The following RAI14 variants were observed in gnomAD, a reference collection of about 807,000 sequenced individuals.
RAI14 encodes ankycorbin.
Under a neutral mutation model 115.4 loss-of-function variants are expected in RAI14, and 45 were observed. That is an observed-to-expected ratio of 0.39 (90% confidence interval 0.31 to 0.50). RAI14 has a LOEUF of 0.50. RAI14 is among the 20% of genes least tolerant of loss of function. The pLI, the probability that RAI14 is intolerant of heterozygous loss-of-function variation, is 0.85. For synonymous variants in RAI14, 371 were observed against 415.4 expected, an observed-to-expected ratio of 0.89 and a Z score of 1.30; for missense variants, 939 against 1,131.2, an observed-to-expected ratio of 0.83 and a Z score of 2.44.
intron 2 of RAI14, chr5:34,757,161 T>C: frequency 2.3e-6 from 1 of 435,092 alleles, no homozygotes; most frequent in Non-Finnish European, 4.5e-6. Context: ...TTAGCTAATG[T>C]GTAAACTGGC....
chr5:34,802,965 G>T (rs898104022), intron 4 of RAI14, among the ~76,000 whole-genome samples: 6 of 152,298 alleles, frequency 3.9e-5, no homozygotes, highest in Admixed American at 1.3e-4. Flanking sequence ...AAGAGTAGGG[G>T]CTGAAGTGTG....
chr5:34,775,487 C>CT (rs1298067535), intron 3 of RAI14, among the ~76,000 whole-genome samples: 1 of 152,154 alleles, frequency 6.6e-6, no homozygotes, highest in East Asian at 1.9e-4. Context: ...AATCCCAGCA[C>CT]TTTGGGAGGT....
intron 3 of RAI14, among the ~76,000 whole-genome samples, chr5:34,762,700 C>T (rs574279341): frequency 2.6e-5 from 4 of 152,278 alleles, no homozygotes; most frequent in African/African-American, 4.8e-5. Context: ...CAGCTGTTCT[C>T]TTTCCATGGT....
chr5:34,823,434 A>T lies in RAI14; in HGVS notation c.1592A>T (p.Glu531Val), dbSNP rs1369669550. The change falls in exon 15 of 18, where the codon GAA (glutamate) becomes GTA (valine). Residue 531 changes from glutamate (E) to valine (V), a missense_variant. Physicochemically the swap from Glu to Val is moderately radical, Grantham distance 121 (BLOSUM62 -2). Transcript: ENST00000265109. This position sits in a 1 kb window ranked among gnomAD's most constrained non-coding sequence, Gnocchi z 4.5. ...HFHELRVTEE[E>V]INVLKQDLQN... ...CACGAGCTGAGGGTCACGGAAGAGGAAATAAATGTGCTAAAGCAGGATCTG... is the reference window on the plus strand; with the variant it reads ...CACGAGCTGAGGGTCACGGAAGAGGTAATAAATGTGCTAAAGCAGGATCTG... 2 of 1,614,212 alleles carry T rather than the reference A, an allele frequency of 1.2e-6. No individual in the cohort carries two copies. The highest frequency in any genetic ancestry group is 3.3e-5 in the Admixed American group (2 of 60,024).
rs1758097460 is a variant in RAI14 at position 34,832,579 on chromosome 5, G to A, written c.*1814G>A. ...TATTTTGTCTTTGTAATTTACAGAA[G>A]TTATTGGAGAAAATAAACTTGTTTC... On this transcript the variant is annotated 3_prime_UTR_variant, in exon 18 of 18. Coordinates refer to ENST00000265109, the MANE Select transcript of RAI14 (RefSeq NM_015577.3). 1 of 152,610 alleles carries A rather than the reference G, an allele frequency of 6.6e-6. No individual in the cohort carries two copies. The highest frequency in any genetic ancestry group is 2.4e-5 in the African/African-American group (1 of 41,446). The allele number at this position is 152,610 out of a possible 1,614,324, so 9.5% of individuals were successfully genotyped here.
chr5:34,793,151 A>G (rs1168099849), intron 3 of RAI14, among the ~76,000 whole-genome samples: 1 of 152,240 alleles, frequency 6.6e-6, no homozygotes. Context: ...TATGTCTAAG[A>G]AAATTCTTTT....
intron 1 of RAI14, among the ~76,000 whole-genome samples, chr5:34,677,161 ATT>A (rs747450748): frequency 0.042 from 3,473 of 82,634 alleles, 82 homozygotes; most frequent in African/African-American, 0.17. Context: ...TGACATTTCT[ATT>A]TTTTTTTTTT....
At chr5:34,723,692 G>A (rs1743092695) in intron 2 of RAI14, among the ~76,000 whole-genome samples, 1 of 152,074 alleles carries the variant, frequency 6.6e-6, no homozygotes, top group Admixed American at 6.5e-5. Flanking sequence ...CCTGATTTAA[G>A]GAAAGCTAAA....
At position 34,689,042 on chromosome 5, in the gene RAI14, A is replaced by C. The variant is rs1016177462; in HGVS notation, c.36+2087A>C. ...ACGTTCTAGAACCAGTTTTTGCACT[A>C]AGGCAGTCTGATTCAAGAGCCCATG... On this transcript the variant is annotated intron_variant, in intron 2 of 17. Coordinates refer to ENST00000265109, the MANE Select transcript of RAI14 (RefSeq NM_015577.3). Among the ~76,000 whole-genome samples, 9 of 152,170 alleles carry C rather than the reference A, an allele frequency of 5.9e-5. 1 individual carries two copies.
chr5:34,758,299 G>A (rs1049986987), intron 3 of RAI14, among the ~76,000 whole-genome samples: 4 of 152,158 alleles, frequency 2.6e-5, no homozygotes, highest in African/African-American at 9.7e-5. Context: ...AATAATGTAG[G>A]TTGGGTGCCC....
At chr5:34,663,508 C>T (rs1011233395) in intron 1 of RAI14, among the ~76,000 whole-genome samples, 2 of 152,054 alleles carry the variant, frequency 1.3e-5, no homozygotes, top group East Asian at 3.9e-4. Flanking sequence ...CAGAGTGAGA[C>T]CCTGTCTAAA....
intron 1 of RAI14, among the ~76,000 whole-genome samples, chr5:34,679,512 TG>T (rs1561230663): frequency 6.6e-6 from 1 of 151,370 alleles, no homozygotes; most frequent in African/African-American, 2.5e-5. Context: ...TGTTGATTTG[TG>T]GGGGGAATCC....
At chr5:34,709,496 T>A (rs907050897) in intron 2 of RAI14, among the ~76,000 whole-genome samples, 1 of 152,182 alleles carries the variant, frequency 6.6e-6, no homozygotes, top group African/African-American at 2.4e-5. Flanking sequence ...CAAAAGTCTG[T>A]AGCTACTTTG....
chr5:34,703,239 T>C (rs999977185), intron 2 of RAI14, among the ~76,000 whole-genome samples: 1 of 152,122 alleles, frequency 6.6e-6, no homozygotes, highest in Non-Finnish European at 1.5e-5. Flanking sequence ...TTACAACATA[T>C]AAAAAATGCA....
intron 1 of RAI14, among the ~76,000 whole-genome samples, chr5:34,674,474 G>A (rs1442046579): frequency 6.6e-6 from 1 of 151,980 alleles, no homozygotes; most frequent in East Asian, 1.9e-4. Context: ...TAACAACAGG[G>A]ATTAAATATA....
At chr5:34,830,492 C>T (rs1194013189) in intron 17 of RAI14, among the ~76,000 whole-genome samples, 196 bp from the exon 18 acceptor site, 3 of 152,162 alleles carry the variant, frequency 2.0e-5, no homozygotes, top group Non-Finnish European at 2.9e-5. Context: ...CCTCATCTTC[C>T]AGCTGGATAA....
intron 4 of RAI14, 77 bp from the exon 5 acceptor site, chr5:34,803,633 CTT>C: frequency 2.6e-6 from 3 of 1,159,474 alleles, no homozygotes; most frequent in Non-Finnish European, 3.7e-6. Flanking sequence ...TTATAGCTGT[CTT>C]CTCATATATA....
At chr5:34,771,877 A>G (rs555210594) in intron 3 of RAI14, among the ~76,000 whole-genome samples, 3 of 152,248 alleles carry the variant, frequency 2.0e-5, no homozygotes, top group South Asian at 4.1e-4. Flanking sequence ...CCAGTAGGTT[A>G]TATTACATAG....
intron 2 of RAI14, among the ~76,000 whole-genome samples, chr5:34,691,543 A>G (rs1738600956): frequency 1.3e-5 from 2 of 152,192 alleles, no homozygotes; most frequent in Admixed American, 6.5e-5. Flanking sequence ...CCCTTTGCTA[A>G]TAAAATGCTC....
Sources: gnomAD v4.1 joint callset for allele counts (sites outside exome capture counted in the v4.1 genomes callset) on GRCh38, gnomAD v4.1.1 for gene constraint, Gnocchi (gnomAD v3.1) non-coding constraint, MANE v1.5 for transcripts, NCBI Gene and HGNC (gene_info 2026-07-23, HGNC 2026-07-21) for gene names.